Variants in ARK2C observed in about 807,000 individuals in gnomAD.
The protein encoded by ARK2C is arkadia (RNF111) C-terminal like ring finger ubiquitin ligase 2C.
chr18:46,454,725 A>G, the ARK2C span, among the ~76,000 whole-genome samples: 1 of 152,208 alleles, frequency 6.6e-6, no homozygotes, highest in Non-Finnish European at 1.5e-5. Context: ...TTCTCTTTGC[A>G]AAATGATCTT....
At chr18:46,435,353 C>T in the ARK2C span, 1 of 1,614,208 alleles carries the variant, frequency 6.2e-7, no homozygotes, top group Non-Finnish European at 8.5e-7. Context: ...CTTCGGCCAA[C>T]TGCAGACACC....
the ARK2C span, among the ~76,000 whole-genome samples, chr18:46,418,692 T>C: frequency 6.6e-6 from 1 of 152,258 alleles, no homozygotes. Context: ...AAATATTTGA[T>C]GATTGAATAA....
At chr18:46,375,942 G>A in the ARK2C span, among the ~76,000 whole-genome samples, 2 of 152,202 alleles carry the variant, frequency 1.3e-5, no homozygotes, top group Non-Finnish European at 2.9e-5. Flanking sequence ...TTTTGGGTGA[G>A]TGACTTAATC....
chr18:46,430,657 C>G, the ARK2C span, among the ~76,000 whole-genome samples: 1 of 152,272 alleles, frequency 6.6e-6, no homozygotes, highest in African/African-American at 2.4e-5. Flanking sequence ...ATTTCTCTGT[C>G]TTCTCATTCC....
At chr18:46,353,740 G>T in the ARK2C span, among the ~76,000 whole-genome samples, 4 of 152,204 alleles carry the variant, frequency 2.6e-5, no homozygotes, top group East Asian at 5.8e-4. Context: ...CTGCTGCCTC[G>T]GATCCTTGAT....
At chr18:46,419,884 C>T in the ARK2C span, among the ~76,000 whole-genome samples, 1 of 152,156 alleles carries the variant, frequency 6.6e-6, no homozygotes, top group African/African-American at 2.4e-5. Flanking sequence ...CCCCTGCTCT[C>T]CTCTAACCTT....
At chr18:46,364,490 C>G in the ARK2C span, among the ~76,000 whole-genome samples, 31 of 152,082 alleles carry the variant, frequency 2.0e-4, no homozygotes, top group Admixed American at 7.9e-4. Context: ...CCCAGAGAAC[C>G]CTTCGTGATG....
chr18:46,405,374 C>A, the ARK2C span, among the ~76,000 whole-genome samples: 3 of 152,052 alleles, frequency 2.0e-5, no homozygotes, highest in Admixed American at 1.3e-4. Flanking sequence ...CGGAAGGGGG[C>A]CTGGCTGAAA....
At chr18:46,388,672 G>T in the ARK2C span, among the ~76,000 whole-genome samples, 2 of 152,230 alleles carry the variant, frequency 1.3e-5, no homozygotes, top group African/African-American at 4.8e-5. Context: ...CATGAAGAAG[G>T]GGCTTGGGGC....
At chr18:46,372,694 C>T in the ARK2C span, among the ~76,000 whole-genome samples, 19 of 152,212 alleles carry the variant, frequency 1.2e-4, no homozygotes, top group Non-Finnish European at 2.6e-4. Flanking sequence ...GGAGCTGAGC[C>T]TTCTCGGGCT....
chr18:46,336,394 T>C, the ARK2C span: 1 of 983,988 alleles, frequency 1.0e-6, no homozygotes, highest in African/African-American at 1.8e-5. Context: ...CAAAAAAAAA[T>C]CCAACAACAC....
At chr18:46,436,950 C>A in the ARK2C span, among the ~76,000 whole-genome samples, 1 of 152,218 alleles carries the variant, frequency 6.6e-6, no homozygotes, top group Non-Finnish European at 1.5e-5. Context: ...GGAAGTGGGA[C>A]TGAACAGGTG....
At chr18:46,392,389 C>A in the ARK2C span, among the ~76,000 whole-genome samples, 1 of 152,232 alleles carries the variant, frequency 6.6e-6, no homozygotes, top group African/African-American at 2.4e-5. Flanking sequence ...TCTGTAAGCT[C>A]CCCCAGGCTA....
chr18:46,419,259 G>T, the ARK2C span, among the ~76,000 whole-genome samples: 1 of 152,156 alleles, frequency 6.6e-6, no homozygotes, highest in Non-Finnish European at 1.5e-5. Flanking sequence ...CTCAGAGTTT[G>T]GGAATATGTC....
At chr18:46,401,938 GA>G in the ARK2C span, among the ~76,000 whole-genome samples, 2 of 152,064 alleles carry the variant, frequency 1.3e-5, no homozygotes, top group Non-Finnish European at 2.9e-5. Flanking sequence ...TATTTACACA[GA>G]AAAAAAATTA....
At chr18:46,407,484 C>T in the ARK2C span, among the ~76,000 whole-genome samples, 2 of 152,304 alleles carry the variant, frequency 1.3e-5, no homozygotes, top group South Asian at 2.1e-4. Flanking sequence ...TCCTATCACC[C>T]GACAGGACAG....
chr18:46,432,300 G>C, the ARK2C span, among the ~76,000 whole-genome samples: 2 of 152,104 alleles, frequency 1.3e-5, no homozygotes, highest in African/African-American at 4.8e-5. Context: ...CTTATACCTG[G>C]ACATGTTTGC....
chr18:46,429,997 T>A, the ARK2C span, among the ~76,000 whole-genome samples: 2 of 152,010 alleles, frequency 1.3e-5, no homozygotes, highest in African/African-American at 4.8e-5. Context: ...CCTCCCAGAG[T>A]CCCCGCCCTC....
At chr18:46,355,580 C>G in the ARK2C span, among the ~76,000 whole-genome samples, 5 of 152,338 alleles carry the variant, frequency 3.3e-5, no homozygotes, top group African/African-American at 1.2e-4. Flanking sequence ...CTGTGCCTAT[C>G]TGAGGACCGC....
Sources: gnomAD v4.1 joint callset for allele counts (sites outside exome capture counted in the v4.1 genomes callset) on GRCh38, gnomAD v4.1.1 for gene constraint, MANE v1.5 for transcripts, NCBI Gene and HGNC (gene_info 2026-07-23, HGNC 2026-07-21) for gene names.